Variants in MUC7 observed in about 807,000 individuals in gnomAD.
The protein encoded by MUC7 is mucin 7, secreted.
Under a neutral mutation model 2.5 loss-of-function variants are expected in MUC7, and 2 were observed. The observed-to-expected ratio is 0.81, with a 90% CI of 0.33 to 2.55. MUC7 has a LOEUF of 2.55. Ranked by LOEUF, MUC7 falls within the 30% of genes most tolerant of loss-of-function variation. MUC7 has a pLI of 0.11. For missense variants in MUC7, 408 were observed against 455.6 expected, an observed-to-expected ratio of 0.90 and a Z score of 0.95; for synonymous variants, 133 against 173.4, an observed-to-expected ratio of 0.77 and a Z score of 1.83.
chr4:70,468,176 T>G (rs1208517712), upstream of MUC7, among the ~76,000 whole-genome samples: 3 of 152,152 alleles, frequency 2.0e-5, no homozygotes, highest in Admixed American at 2.0e-4. Flanking sequence ...TCTCAACAGA[T>G]GTAGAAAAGG....
At chr4:70,471,705 A>T (rs933169821), upstream of MUC7, among the ~76,000 whole-genome samples, 4 of 152,220 alleles carry the variant, frequency 2.6e-5, no homozygotes, top group African/African-American at 9.6e-5. Context: ...ACTTGTATTT[A>T]AAAATTCAGT....
chr4:70,433,180 T>C (rs1733726700), intron 1 of MUC7, among the ~76,000 whole-genome samples: 1 of 152,216 alleles, frequency 6.6e-6, no homozygotes, highest in South Asian at 2.1e-4. Flanking sequence ...TCCAGCTTTG[T>C]TCTTTTTACT....
At position 70,459,450 on chromosome 4, in the gene MUC7, G is replaced by A. The variant is rs532390584; in HGVS notation, c.-92-12765G>A. Among the ~76,000 whole-genome samples, 19 of 152,214 alleles carry A rather than the reference G, an allele frequency of 1.2e-4. No homozygotes were observed. The South Asian group carries it at 3.9e-3, about 32-fold the overall frequency. On this transcript the variant is annotated intron_variant, in intron 1 of 3. Transcript: ENST00000413702. ...TGTTGTGGGGTTGGGGGAGCGAGGA[G>A]GGATAGCATTAGGAGATATACCTAA...
chr4:70,462,151 G>T (rs760359520), intron 1 of MUC7, among the ~76,000 whole-genome samples: 26 of 151,938 alleles, frequency 1.7e-4, no homozygotes, highest in Non-Finnish European at 3.2e-4. Context: ...GGTCAAGACT[G>T]CAGTGAGCCA....
At chr4:70,454,200 A>G (rs1386208534) in intron 1 of MUC7, among the ~76,000 whole-genome samples, 2 of 152,152 alleles carry the variant, frequency 1.3e-5, no homozygotes, top group Non-Finnish European at 2.9e-5. Context: ...TCTGAGCCCA[A>G]CACAGCACTA....
rs761951167 is a variant in MUC7, at chr4:70,482,173, G to T, written c.*295G>T. ...TAGATAAAGAGAGAATATTGTATGG[G>T]CCATCAACCATTTACTTTTCCCTGA... On this transcript the variant is annotated 3_prime_UTR_variant, in exon 3 of 3. Transcript: ENST00000304887. 4 of 328,926 alleles carry T rather than the reference G, an allele frequency of 1.2e-5. No individual in the cohort carries two copies. Among genetic ancestry groups the T allele is most frequent in the Non-Finnish European group, 2.2e-5 (4 of 180,472 alleles). 20.4% of individuals were successfully genotyped at this position (328,926 alleles called of 1,614,324 possible).
At chr4:70,458,653 A>G (rs1734469468) in intron 1 of MUC7, among the ~76,000 whole-genome samples, 1 of 152,156 alleles carries the variant, frequency 6.6e-6, no homozygotes, top group Non-Finnish European at 1.5e-5. Flanking sequence ...AGAGAAACAA[A>G]ACAGCTTGGA....
upstream of MUC7, among the ~76,000 whole-genome samples, chr4:70,467,918 G>A (rs1734721134): frequency 6.6e-6 from 1 of 152,170 alleles, no homozygotes; most frequent in Non-Finnish European, 1.5e-5. Context: ...TGCGAGGCCA[G>A]CATCATCCTA....
rs563889511 is a variant in MUC7 at position 70,464,241 on chromosome 4, C to T, written c.-92-7974C>T. Among the ~76,000 whole-genome samples, 465 of 152,310 alleles carry T rather than the reference C, an allele frequency of 3.1e-3. 3 individuals carry two copies. The highest frequency in any genetic ancestry group is 6.8e-3 in the Middle Eastern group (2 of 294). On this transcript the variant is annotated intron_variant, in intron 1 of 3. Transcript: ENST00000413702. ...CCAGATACTATTCTTTTCCCACCAT[C>T]TTCACAACCAGCAGACAAGAAGATT...
At chr4:70,451,175 T>C (rs2109715241) in intron 1 of MUC7, among the ~76,000 whole-genome samples, 1 of 152,320 alleles carries the variant, frequency 6.6e-6, no homozygotes, top group Non-Finnish European at 1.5e-5. Flanking sequence ...AATGCTCCCT[T>C]CATGGGTAAG....
chr4:70,441,847 T>C (rs1309719053), intron 1 of MUC7, among the ~76,000 whole-genome samples: 1 of 152,176 alleles, frequency 6.6e-6, no homozygotes, highest in Non-Finnish European at 1.5e-5. Flanking sequence ...GTTCAGTTTA[T>C]TTTAGTGGTT....
At chr4:70,464,647 G>T (rs1342400619) in intron 1 of MUC7, among the ~76,000 whole-genome samples, 1 of 152,102 alleles carries the variant, frequency 6.6e-6, no homozygotes, top group African/African-American at 2.4e-5. Flanking sequence ...TGAACTGCAT[G>T]GAGCACACCA....
At position 70,453,552 on chromosome 4, in the gene MUC7, G is replaced by T. The variant is rs114363673; in HGVS notation, c.-92-18663G>T. Among the ~76,000 whole-genome samples, 354 of 152,122 alleles carry T rather than the reference G, an allele frequency of 2.3e-3. 1 individual carries two copies. The highest frequency in any genetic ancestry group is 8.0e-3 in the African/African-American group (334 of 41,504). On this transcript the variant is annotated intron_variant, in intron 1 of 3. Transcript: ENST00000413702. Reference sequence around the variant, plus strand: ...TCCCTTCTGGTCCAGGGGATATCTAGAAATACTGTCCAAAATGTAAGGCCT... The same window carrying T: ...TCCCTTCTGGTCCAGGGGATATCTATAAATACTGTCCAAAATGTAAGGCCT...
At chr4:70,432,053 C>T (rs1459581672) in intron 1 of MUC7, among the ~76,000 whole-genome samples, 1 of 152,182 alleles carries the variant, frequency 6.6e-6, no homozygotes, top group African/African-American at 2.4e-5. Flanking sequence ...CAGCTTCATC[C>T]ATGTGCCTAC....
At chr4:70,457,530 T>G (rs1017937710) in intron 1 of MUC7, among the ~76,000 whole-genome samples, 1 of 151,932 alleles carries the variant, frequency 6.6e-6, no homozygotes, top group Non-Finnish European at 1.5e-5. Flanking sequence ...ATTAATAAAA[T>G]ATAAACCAAA....
chr4:70,453,692 G>A (rs2109717898), intron 1 of MUC7, among the ~76,000 whole-genome samples: 1 of 152,298 alleles, frequency 6.6e-6, no homozygotes, highest in East Asian at 1.9e-4. Context: ...TCAAGTAGAA[G>A]GAGTCTCTCA....
intron 1 of MUC7, among the ~76,000 whole-genome samples, chr4:70,435,991 G>A (rs531545207): frequency 7.7e-4 from 117 of 152,280 alleles, no homozygotes; most frequent in African/African-American, 2.8e-3. Context: ...GAAATTCCAG[G>A]TTGAAAATTA....
At chr4:70,463,746 C>A (rs917443007) in intron 1 of MUC7, among the ~76,000 whole-genome samples, 3 of 152,128 alleles carry the variant, frequency 2.0e-5, no homozygotes, top group South Asian at 2.1e-4. Context: ...GGCTTTAACA[C>A]CGTAAGAACA....
At chr4:70,466,063 T>C (rs531440769) in intron 1 of MUC7, among the ~76,000 whole-genome samples, 1 of 151,934 alleles carries the variant, frequency 6.6e-6, no homozygotes, top group East Asian at 1.9e-4. Context: ...AGGACCTCTC[T>C]GCAGAAACCC....
Sources: gnomAD v4.1 joint callset for allele counts (sites outside exome capture counted in the v4.1 genomes callset) on GRCh38, gnomAD v4.1.1 for gene constraint, MANE v1.5 for transcripts, NCBI Gene and HGNC (gene_info 2026-07-23, HGNC 2026-07-21) for gene names.